KCNH1: variants seen among roughly 807,000 people sequenced by gnomAD.
The protein encoded by KCNH1 is potassium voltage-gated channel subfamily H member 1, also known as voltage-gated delayed rectifier potassium channel KCNH1.
KCNH1 carries 27 observed loss-of-function variants against 69.2 expected under a neutral mutation model. The ratio of observed to expected loss-of-function variants is 0.39; its 90% CI spans 0.29 to 0.54. The LOEUF is 0.54. Among genes scored for constraint, KCNH1 ranks in the 20% least tolerant of loss-of-function variants. The pLI is 0.68. For missense variants in KCNH1, 798 were observed against 1,261.6 expected (o/e 0.63, Z 5.57); for synonymous variants, 456 against 487.7 (o/e 0.93, Z 0.86).
Position 211,134,045 on chromosome 1 carries a change from C to G in KCNH1, c.-100G>C, listed in dbSNP as rs1264927746. On this transcript the variant is annotated 5_prime_UTR_variant, in exon 1 of 11. Coordinates refer to ENST00000271751, the MANE Select transcript of KCNH1 (RefSeq NM_172362.3). This position sits in a 1 kb window ranked among gnomAD's most constrained non-coding sequence, Gnocchi z 5.7. ...CGCACGCAGTCCCGGCTCGAAGCGC[C>G]CCATGCGCCCGGCGGGGATCCGCAG... is the stretch of plus-strand genomic sequence containing the variant. 5 of 1,009,670 alleles carry G rather than the reference C, an allele frequency of 5.0e-6. No homozygotes were observed. The Admixed American group carries it at 1.0e-4, about 21-fold the overall frequency. 62.5% of individuals were successfully genotyped at this position (1,009,670 alleles called of 1,614,324 possible). A position where few individuals can be genotyped will look rare whatever the true frequency, so the allele number is the denominator to read the frequency against.
At chr1:210,696,623 G>A (rs1221676262) in intron 10 of KCNH1, among the ~76,000 whole-genome samples, 3 of 152,102 alleles carry the variant, frequency 2.0e-5, no homozygotes, top group Non-Finnish European at 4.4e-5. Flanking sequence ...CTCCCACCTG[G>A]TAACTCAGTC....
At chr1:210,718,698 A>ACATG (rs1553337878) in intron 10 of KCNH1, among the ~76,000 whole-genome samples, 4 of 123,506 alleles carry the variant, frequency 3.2e-5, no homozygotes, top group Non-Finnish European at 6.6e-5. Context: ...ACACATATAT[A>ACATG]TATACACACT....
At chr1:210,843,175 A>G (rs934830643) in intron 7 of KCNH1, among the ~76,000 whole-genome samples, 1 of 152,206 alleles carries the variant, frequency 6.6e-6, no homozygotes, top group African/African-American at 2.4e-5. Context: ...ATGATATTGC[A>G]TTGGATCAAC....
chr1:210,701,588 T>G (rs1681782342), intron 10 of KCNH1, among the ~76,000 whole-genome samples: 1 of 152,196 alleles, frequency 6.6e-6, no homozygotes, highest in African/African-American at 2.4e-5. Flanking sequence ...TTGTTTTTTC[T>G]TTAATATAAC....
chr1:210,838,242 G>A (rs973055684), intron 7 of KCNH1, among the ~76,000 whole-genome samples: 1 of 152,146 alleles, frequency 6.6e-6, no homozygotes, highest in Non-Finnish European at 1.5e-5. Context: ...AAGCAATGGG[G>A]AAAGTATTCC....
At chr1:210,789,418 A>C (rs939448399) in intron 9 of KCNH1, among the ~76,000 whole-genome samples, 3 of 152,196 alleles carry the variant, frequency 2.0e-5, no homozygotes, top group African/African-American at 7.2e-5. Flanking sequence ...CTTTCCAAGA[A>C]TGCTTAGAGG....
At chr1:210,946,168 G>C (rs1360538283) in intron 6 of KCNH1, among the ~76,000 whole-genome samples, 1 of 152,150 alleles carries the variant, frequency 6.6e-6, no homozygotes, top group African/African-American at 2.4e-5. Flanking sequence ...CAGAGGAATC[G>C]CATCATGAAG....
At chr1:210,967,849 C>A (rs945639269) in intron 6 of KCNH1, among the ~76,000 whole-genome samples, 2 of 151,574 alleles carry the variant, frequency 1.3e-5, no homozygotes, top group African/African-American at 4.8e-5. Context: ...TGAACATTGT[C>A]TTGTTCTCAA....
At chr1:210,949,938 G>A (rs570006979) in intron 6 of KCNH1, among the ~76,000 whole-genome samples, 2 of 152,292 alleles carry the variant, frequency 1.3e-5, no homozygotes, top group South Asian at 2.1e-4. Flanking sequence ...ATGGAAAAAC[G>A]GCAAATCAAC....
intron 10 of KCNH1, among the ~76,000 whole-genome samples, chr1:210,726,900 G>T (rs1191498551): frequency 6.6e-5 from 10 of 152,112 alleles, no homozygotes; most frequent in Non-Finnish European, 1.5e-4. Context: ...AATAGAGAGG[G>T]GTGGGTATGG....
Position 211,077,401 on chromosome 1 carries a change from C to T in KCNH1, c.558+5379G>A, listed in dbSNP as rs143116546. On this transcript the variant is annotated intron_variant, in intron 5 of 10. Coordinates refer to ENST00000271751, the MANE Select transcript of KCNH1 (RefSeq NM_172362.3). The stretch of plus-strand genomic sequence containing the variant: ...AAAGGGAAGCCCATCAGACTAACAG[C>T]GGATCTCTCAGCAGAAACTCTTACA... Among the ~76,000 whole-genome samples, 1,424 of 152,252 alleles carry T rather than the reference C, an allele frequency of 9.4e-3. 28 individuals are homozygous for T. Among genetic ancestry groups the T allele is most frequent in the African/African-American group, 0.033 (1,362 of 41,522 alleles).
chr1:210,876,681 T>C (rs1469611626), intron 7 of KCNH1, among the ~76,000 whole-genome samples: 5 of 152,098 alleles, frequency 3.3e-5, no homozygotes, highest in Non-Finnish European at 5.9e-5. Context: ...TGGGACAGCA[T>C]TTAACATAAA....
intron 10 of KCNH1, among the ~76,000 whole-genome samples, chr1:210,772,198 T>A (rs771483908): frequency 6.6e-6 from 1 of 152,162 alleles, no homozygotes; most frequent in Non-Finnish European, 1.5e-5. Context: ...AGAGAAGAGA[T>A]TGAACGGTTA....
At chr1:210,985,489 T>C (rs1416162506) in intron 6 of KCNH1, among the ~76,000 whole-genome samples, 1 of 152,214 alleles carries the variant, frequency 6.6e-6, no homozygotes, top group African/African-American at 2.4e-5. Flanking sequence ...TGTGTCTTTG[T>C]TCTCGCTGGT....
chr1:210,960,813 T>A (rs748143118), intron 6 of KCNH1, among the ~76,000 whole-genome samples: 12 of 152,352 alleles, frequency 7.9e-5, no homozygotes, highest in Admixed American at 5.9e-4. Flanking sequence ...ATTTGATTTT[T>A]AAAGAAACAT....
chr1:210,950,732 C>T (rs148410020), intron 6 of KCNH1, among the ~76,000 whole-genome samples: 27 of 152,220 alleles, frequency 1.8e-4, no homozygotes, highest in African/African-American at 6.0e-4. Flanking sequence ...CTTATTGGGA[C>T]TATTAACTCA....
At chr1:210,996,071 G>A (rs1415862125) in intron 6 of KCNH1, among the ~76,000 whole-genome samples, 1 of 152,148 alleles carries the variant, frequency 6.6e-6, no homozygotes, top group Non-Finnish European at 1.5e-5. Context: ...GGAGAAGACA[G>A]GTGATTTCTG....
chr1:210,917,376 T>C (rs1337872686), intron 7 of KCNH1, among the ~76,000 whole-genome samples: 1 of 151,540 alleles, frequency 6.6e-6, no homozygotes, highest in Non-Finnish European at 1.5e-5. Context: ...ATCACCTGAC[T>C]CTCAGAAGGT....
At chr1:210,740,931 G>A (rs777072139) in intron 10 of KCNH1, among the ~76,000 whole-genome samples, 2 of 151,924 alleles carry the variant, frequency 1.3e-5, no homozygotes, top group Non-Finnish European at 2.9e-5. Flanking sequence ...ATATGGCAAA[G>A]GTGACTTGTC....
Sources: gnomAD v4.1 joint callset for allele counts (sites outside exome capture counted in the v4.1 genomes callset) on GRCh38, gnomAD v4.1.1 for gene constraint, Gnocchi (gnomAD v3.1) non-coding constraint, MANE v1.5 for transcripts, NCBI Gene and HGNC (gene_info 2026-07-23, HGNC 2026-07-21) for gene names.